The following FANCD2OS variants were observed in gnomAD, a reference collection of about 807,000 sequenced individuals.
FANCD2OS encodes the protein FANCD2 opposite strand protein.
In FANCD2OS, 11 loss-of-function variants were observed where a neutral mutation model predicts 13.2. The ratio of observed to expected loss-of-function variants is 0.83; its 90% CI spans 0.52 to 1.38. FANCD2OS has a LOEUF of 1.38. FANCD2OS is among the 40% of genes most tolerant of loss of function. The pLI is 0.00. For missense variants in FANCD2OS, 217 were observed against 213.9 expected, an observed-to-expected ratio of 1.01 and a Z score of -0.09; for synonymous variants, 69 against 84.5, an observed-to-expected ratio of 0.82 and a Z score of 1.01.
downstream of FANCD2OS, chr3:10,099,374 G>A (rs1265966884): frequency 8.7e-7 from 1 of 1,145,158 alleles, no homozygotes; most frequent in Non-Finnish European, 1.1e-6. Context: ...TGTAATCCTA[G>A]CACTTTTTGA....
intron 2 of FANCD2OS, among the ~76,000 whole-genome samples, chr3:10,092,960 G>A (rs1214790586): frequency 3.9e-5 from 6 of 151,980 alleles, no homozygotes; most frequent in African/African-American, 1.2e-4. Flanking sequence ...CCAAAATGCT[G>A]GGATATCAGG....
intron 1 of FANCD2OS, among the ~76,000 whole-genome samples, chr3:10,106,272 C>T (rs1695492890): frequency 6.6e-6 from 1 of 152,116 alleles, no homozygotes; most frequent in Admixed American, 6.6e-5. Flanking sequence ...CTACTGGTTC[C>T]ATAAGACCTT....
At chr3:10,101,266 C>A (rs747371509), downstream of FANCD2OS, 1 of 1,601,420 alleles carries the variant, frequency 6.2e-7, no homozygotes, top group South Asian at 1.1e-5. Context: ...TGATTAGACC[C>A]CAGATAAATT....
chr3:10,100,346 G>C (rs562381605), downstream of FANCD2OS, among the ~76,000 whole-genome samples: 1 of 152,108 alleles, frequency 6.6e-6, no homozygotes, highest in African/African-American at 2.4e-5. Context: ...ACAGAATTTT[G>C]TACTGGATTC....
At chr3:10,093,832 C>G (rs1378316006) in intron 2 of FANCD2OS, among the ~76,000 whole-genome samples, 1 of 152,214 alleles carries the variant, frequency 6.6e-6, no homozygotes, top group African/African-American at 2.4e-5. Flanking sequence ...GTGCCCCATT[C>G]TTGTCATCTC....
At chr3:10,097,776 G>T (rs1205024232) in intron 2 of FANCD2OS, among the ~76,000 whole-genome samples, 3 of 152,322 alleles carry the variant, frequency 2.0e-5, no homozygotes, top group Middle Eastern at 3.4e-3. Context: ...TGGGGAAGTG[G>T]TAAGTGTCCA....
intron 2 of FANCD2OS, chr3:10,081,629 C>A: frequency 1.4e-6 from 1 of 704,718 alleles, no homozygotes; most frequent in Admixed American, 2.0e-5. Flanking sequence ...TTCATTTGAT[C>A]TTGTACCCTC....
chr3:10,087,344 C>T (rs2125073737), intron 2 of FANCD2OS: 1 of 1,383,906 alleles, frequency 7.2e-7, no homozygotes, highest in South Asian at 1.3e-5. Flanking sequence ...TTTGGGCTTC[C>T]CAGGACATTT....
At chr3:10,103,255 A>G (rs1467447461), downstream of FANCD2OS, among the ~76,000 whole-genome samples, 3 of 152,146 alleles carry the variant, frequency 2.0e-5, no homozygotes, top group Non-Finnish European at 4.4e-5. Flanking sequence ...ACACAAAATT[A>G]GCTGGGCGTG....
intron 2 of FANCD2OS, chr3:10,083,537 C>G (rs1693975434): frequency 1.3e-5 from 2 of 152,236 alleles, no homozygotes; most frequent in Admixed American, 1.3e-4. Context: ...GCTAGACATG[C>G]ACCTACCATG....
At chr3:10,085,841 AT>A in intron 2 of FANCD2OS, 1 of 1,613,726 alleles carries the variant, frequency 6.2e-7, no homozygotes, top group Non-Finnish European at 8.5e-7. Flanking sequence ...GAAAATCAGA[AT>A]TTACTGTATT....
chr3:10,101,606 A>G (rs113593713), downstream of FANCD2OS: 5 of 366,204 alleles, frequency 1.4e-5, no homozygotes, highest in African/African-American at 1.0e-4. Flanking sequence ...GATGGTCTCA[A>G]TCTCCTGAAC....
At chr3:10,098,131 A>AT (rs1372314829), downstream of FANCD2OS, among the ~76,000 whole-genome samples, 3 of 152,208 alleles carry the variant, frequency 2.0e-5, no homozygotes, top group African/African-American at 7.2e-5. Flanking sequence ...TATATATGAA[A>AT]TATATAAAAC....
chr3:10,101,616 C>G (rs1197071640), downstream of FANCD2OS: 2 of 336,608 alleles, frequency 5.9e-6, no homozygotes. Context: ...ATCTCCTGAA[C>G]TCATGATCCA....
rs371299677 is a variant in FANCD2OS, at chr3:10,093,230, G to A, written c.*43+10968C>T. ...TGCTTTGCGCAGCGGGAAAGAGGCT[G>A]GAGTGCTCAAAGGAGCAGATCTCAG... On this transcript the variant is annotated intron_variant, in intron 2 of 2. Transcript: ENST00000524279. 36 of 1,394,888 alleles carry A rather than the reference G, an allele frequency of 2.6e-5. 2 individuals are homozygous for A. The South Asian group carries it at 3.8e-4, about 15-fold the overall frequency. The allele number at this position is 1,394,888 out of a possible 1,614,324, so 86.4% of individuals were successfully genotyped here.
chr3:10,095,281 AGG>A, intron 2 of FANCD2OS: 1 of 1,613,504 alleles, frequency 6.2e-7, no homozygotes, highest in African/African-American at 1.3e-5. Flanking sequence ...CAAGGTAAGA[AGG>A]GGAGCAGGTT....
chr3:10,085,930 A>C (rs747078545), intron 2 of FANCD2OS: 2 of 1,567,146 alleles, frequency 1.3e-6, no homozygotes. Flanking sequence ...CAGGTGAGTC[A>C]TAACTACATA....
intron 2 of FANCD2OS, chr3:10,094,996 T>C (rs1694867494): frequency 5.0e-6 from 3 of 594,178 alleles, no homozygotes; most frequent in Admixed American, 5.3e-5. Flanking sequence ...AACTCTCAGA[T>C]TGATACAAGG....
chr3:10,104,586 G>C lies in FANCD2OS; in HGVS notation c.189C>G (p.Phe63Leu). The C allele has an allele frequency of 6.2e-7, 1 of 1,614,188 alleles. No individual in the cohort carries two copies. The highest frequency in any genetic ancestry group is 1.7e-5 in the Admixed American group (1 of 60,012). Residue 63 changes from phenylalanine to leucine, a missense_variant, in exon 2 of 2, where the codon TTC (phenylalanine) becomes TTG (leucine). Phe to Leu is a conservative substitution (Grantham distance 22). Transcript: ENST00000450660. ...ACTTGGGACTCACTCCAGATTCCAG[G>C]AATGGGCTGTCTAGGACTAGAGTGA... is the stretch of plus-strand genomic sequence containing the variant. ...QEVTLVLDSP[F>L]LESGVSPKLP...
Sources: allele counts gnomAD v4.1 joint callset (sites outside exome capture counted in the v4.1 genomes callset), GRCh38; gene constraint gnomAD v4.1.1; transcripts MANE v1.5; gene names NCBI Gene and HGNC (gene_info 2026-07-23, HGNC 2026-07-21).